TMEM117: variants seen among roughly 807,000 people sequenced by gnomAD.
TMEM117 encodes transmembrane protein 117.
TMEM117 carries 27 observed loss-of-function variants against 52.4 expected under a neutral mutation model. The ratio of observed to expected loss-of-function variants is 0.51; its 90% CI spans 0.38 to 0.71. The LOEUF is 0.71. Among genes scored for constraint, TMEM117 ranks in the 30% least tolerant of loss-of-function variants. The probability of loss-of-function intolerance (pLI) is 0.00; values close to 1 mark genes in which losing one functional copy is unlikely to be tolerated. For synonymous variants in TMEM117, 215 were observed against 206.3 expected, an observed-to-expected ratio of 1.04 and a Z score of -0.36; for missense variants, 556 against 630.5, an observed-to-expected ratio of 0.88 and a Z score of 1.26.
chr12:44,380,434 T>A (rs1592730985), intron 7 of TMEM117, among the ~76,000 whole-genome samples: 1 of 152,262 alleles, frequency 6.6e-6, no homozygotes, highest in East Asian at 1.9e-4. Context: ...AAAGGTCTCC[T>A]GAGTCAAAAG....
chr12:44,077,193 G>A (rs564077019), intron 3 of TMEM117, among the ~76,000 whole-genome samples: 1 of 152,208 alleles, frequency 6.6e-6, no homozygotes, highest in East Asian at 1.9e-4. Context: ...TAGAACAGTT[G>A]CTCAAATGAG....
At chr12:43,907,133 A>G (rs2137520780) in intron 2 of TMEM117, among the ~76,000 whole-genome samples, 1 of 152,316 alleles carries the variant, frequency 6.6e-6, no homozygotes, top group East Asian at 1.9e-4. Flanking sequence ...TTCTCCCAGC[A>G]CGCAGCTGGA....
At chr12:44,004,237 G>T (rs567254520) in intron 3 of TMEM117, among the ~76,000 whole-genome samples, 7 of 148,242 alleles carry the variant, frequency 4.7e-5, no homozygotes, top group Admixed American at 4.0e-4. Flanking sequence ...ATTATAACAG[G>T]GGTAAGCAGC....
chr12:43,879,956 G>C (rs1943867269), intron 2 of TMEM117, among the ~76,000 whole-genome samples: 1 of 152,138 alleles, frequency 6.6e-6, no homozygotes, highest in African/African-American at 2.4e-5. Flanking sequence ...TAGACCTTTA[G>C]GAAGGAAATC....
intron 6 of TMEM117, among the ~76,000 whole-genome samples, chr12:44,325,258 A>G (rs1047514052): frequency 2.6e-5 from 4 of 152,180 alleles, no homozygotes; most frequent in African/African-American, 9.7e-5. Context: ...AAAGCTTTAA[A>G]CAAACAAGCC....
intron 3 of TMEM117, among the ~76,000 whole-genome samples, chr12:44,056,863 T>C (rs977150501): frequency 3.3e-5 from 5 of 152,148 alleles, no homozygotes; most frequent in African/African-American, 1.2e-4. Flanking sequence ...TATTACCCAG[T>C]TTTACAGATG....
chr12:43,888,640 C>T (rs1420241332), intron 2 of TMEM117, among the ~76,000 whole-genome samples: 6 of 147,576 alleles, frequency 4.1e-5, no homozygotes, highest in Middle Eastern at 7.0e-3. Flanking sequence ...CTCCGCCTCT[C>T]GGGTTCACGC....
At chr12:43,879,671 G>A (rs1304679851) in intron 2 of TMEM117, among the ~76,000 whole-genome samples, 3 of 152,100 alleles carry the variant, frequency 2.0e-5, no homozygotes, top group Non-Finnish European at 2.9e-5. Flanking sequence ...TCCTTTCTAC[G>A]TATTTCATCA....
At chr12:43,995,842 G>T (rs192906792) in intron 3 of TMEM117, among the ~76,000 whole-genome samples, 2 of 152,228 alleles carry the variant, frequency 1.3e-5, no homozygotes, top group East Asian at 1.9e-4. Flanking sequence ...ATTAACAACT[G>T]ATGTGATTTT....
intron 3 of TMEM117, among the ~76,000 whole-genome samples, chr12:43,969,111 T>C (rs1768249963): frequency 1.3e-5 from 2 of 152,044 alleles, no homozygotes; most frequent in Non-Finnish European, 2.9e-5. Flanking sequence ...CTTTTTACTT[T>C]ACAGAATGAA....
At position 43,844,864 on chromosome 12, in the gene TMEM117, A is replaced by G. The variant is rs140325168; in HGVS notation, c.213A>G (p.Leu71=). 38 of 1,614,220 alleles carry G rather than the reference A, an allele frequency of 2.4e-5. No homozygotes were observed. Among genetic ancestry groups the G allele is most frequent in the African/African-American group, 1.5e-4 (11 of 75,060 alleles). The change falls in exon 2 of 8, where the codon CTA becomes CTG. Residue 71 remains leucine (L), a synonymous_variant. Coordinates refer to ENST00000266534, the MANE Select transcript of TMEM117 (RefSeq NM_032256.3). ...GCTGGAGGATTTTGAAGGTGCTTCT[A>G]TGGCTACTTGCCATTCTCACAGGAC... ...GVGWRILKVL[L]WLLAILTGLI... is the part of the protein sequence containing the mutation.
chr12:44,184,908 TC>T (rs1949255622), intron 4 of TMEM117, among the ~76,000 whole-genome samples: 1 of 152,154 alleles, frequency 6.6e-6, no homozygotes, highest in African/African-American at 2.4e-5. Context: ...AAGCATAACT[TC>T]CTATGCCAAG....
intron 3 of TMEM117, among the ~76,000 whole-genome samples, chr12:44,059,358 A>G (rs1947104454): frequency 6.6e-6 from 1 of 152,224 alleles, no homozygotes; most frequent in Non-Finnish European, 1.5e-5. Flanking sequence ...GTGTAAATAA[A>G]TGTGAAAAAT....
At chr12:44,211,832 C>T (rs1229226844) in intron 5 of TMEM117, among the ~76,000 whole-genome samples, 2 of 152,170 alleles carry the variant, frequency 1.3e-5, no homozygotes, top group African/African-American at 2.4e-5. Context: ...TTTCGTTTAG[C>T]TCTCCAGCCC....
intron 3 of TMEM117, among the ~76,000 whole-genome samples, chr12:43,965,420 A>C (rs937495025): frequency 6.6e-6 from 1 of 152,160 alleles, no homozygotes; most frequent in Admixed American, 6.5e-5. Context: ...AGACTGGAAA[A>C]TTGTAACCTG....
At position 44,182,708 on chromosome 12, in the gene TMEM117, G is replaced by A. The variant is rs572677891; in HGVS notation, c.511-28582G>A. On this transcript the variant is annotated intron_variant, in intron 4 of 7. Transcript: ENST00000266534. ...GAAAAAAAGCCTAGTGGATAATTCAGACATATATCCCCTGCCATATCTAGA... is the reference window on the plus strand; with the variant it reads ...GAAAAAAAGCCTAGTGGATAATTCAAACATATATCCCCTGCCATATCTAGA... Among the ~76,000 whole-genome samples, 3 of 152,130 alleles carry A rather than the reference G, an allele frequency of 2.0e-5. No homozygotes were observed. In the East Asian group the frequency reaches 5.8e-4, roughly 29 times the overall value.
At position 44,104,470 on chromosome 12, in the gene TMEM117, G is replaced by A. The variant is rs191459110; in HGVS notation, c.411-39055G>A. Reference sequence around the variant, plus strand: ...CACCTACCATTTGCTCGCTTGGTGAGTTAGTAAATTACCTTATTTATGTAA... The same window carrying A: ...CACCTACCATTTGCTCGCTTGGTGAATTAGTAAATTACCTTATTTATGTAA... On this transcript the variant is annotated intron_variant, in intron 3 of 7. Transcript: ENST00000266534. Among the ~76,000 whole-genome samples, 711 of 152,038 alleles carry A rather than the reference G, an allele frequency of 4.7e-3. 18 individuals carry two copies. Among genetic ancestry groups the A allele is most frequent in the Admixed American group, 0.044 (667 of 15,254 alleles).
In TMEM117 at chr12:44,285,735, A is replaced by G. The variant is rs529026250; in HGVS notation, c.609-13845A>G. 2.0e-5 allele frequency among the ~76,000 whole-genome samples: 3 copies of G among 152,324 alleles called. No individual in the cohort carries two copies. In the East Asian group the frequency reaches 5.8e-4, roughly 29 times the overall value. The stretch of plus-strand genomic sequence containing the variant: ...TTTGTTACAGAGTTGAGGTGACAAT[A>G]TTGATCATTAAAACAAGGAAAATGA... On this transcript the variant is annotated intron_variant, in intron 5 of 7. Transcript: ENST00000266534.
chr12:44,181,526 TTG>T (rs1555209746), intron 4 of TMEM117, among the ~76,000 whole-genome samples: 2 of 150,418 alleles, frequency 1.3e-5, no homozygotes, highest in Non-Finnish European at 1.5e-5. Context: ...GAATTGATTT[TTG>T]TATAAGGTGT....
Sources: gnomAD v4.1 joint callset for allele counts (sites outside exome capture counted in the v4.1 genomes callset) on GRCh38, gnomAD v4.1.1 for gene constraint, MANE v1.5 for transcripts, NCBI Gene and HGNC (gene_info 2026-07-23, HGNC 2026-07-21) for gene names.